IL1RAPL2: variants seen among roughly 807,000 people sequenced by gnomAD.
IL1RAPL2 encodes the protein interleukin 1 receptor accessory protein like 2, also known as X-linked interleukin-1 receptor accessory protein-like 2.
In IL1RAPL2, 3 loss-of-function variants were observed where a neutral mutation model predicts 44.1. The ratio of observed to expected loss-of-function variants is 0.07; its 90% CI spans 0.03 to 0.18. IL1RAPL2 has a LOEUF of 0.18. Among genes scored for constraint, IL1RAPL2 ranks in the 10% least tolerant of loss-of-function variants. The pLI, the probability that IL1RAPL2 is intolerant of heterozygous loss-of-function variation, is 1.00. For missense variants in IL1RAPL2, 391 were observed against 496.4 expected, an observed-to-expected ratio of 0.79 and a Z score of 2.02; for synonymous variants, 181 against 178.8, an observed-to-expected ratio of 1.01 and a Z score of -0.10.
At chrX:104,989,437 G>T (rs1047848250) in intron 2 of IL1RAPL2, among the ~76,000 whole-genome samples, 11 of 111,520 alleles carry the variant, frequency 9.9e-5, no homozygotes, top group African/African-American at 3.6e-4. Flanking sequence ...GAATCATATT[G>T]TTGGCAAGGA....
chrX:105,564,070 T>C (rs1232146794), intron 6 of IL1RAPL2, among the ~76,000 whole-genome samples: 1 of 111,526 alleles, frequency 9.0e-6, no homozygotes, highest in Non-Finnish European at 1.9e-5. Context: ...TGTTCTCTGC[T>C]TCATAGATGG....
intron 2 of IL1RAPL2, among the ~76,000 whole-genome samples, chrX:105,110,936 CA>C (rs1315395650): frequency 1.8e-5 from 2 of 110,569 alleles, no homozygotes; most frequent in Non-Finnish European, 3.8e-5. Flanking sequence ...GACTCCACCT[CA>C]AAAAAATAAG....
At chrX:105,536,134 G>T (rs113116073) in intron 6 of IL1RAPL2, among the ~76,000 whole-genome samples, 1 of 110,198 alleles carries the variant, frequency 9.1e-6, no homozygotes, top group Non-Finnish European at 1.9e-5. Flanking sequence ...ATAAAAACAT[G>T]TTCATTATAA....
intron 6 of IL1RAPL2, among the ~76,000 whole-genome samples, chrX:105,619,819 C>T (rs1188510669): frequency 9.0e-6 from 1 of 110,602 alleles, no homozygotes; most frequent in Middle Eastern, 4.6e-3. Flanking sequence ...AGGTTTTTGG[C>T]AAGGTATGTA....
At chrX:104,960,684 T>C (rs1460540610) in intron 2 of IL1RAPL2, among the ~76,000 whole-genome samples, 2 of 111,183 alleles carry the variant, frequency 1.8e-5, no homozygotes, top group Non-Finnish European at 3.8e-5. Context: ...TTTCCCCATT[T>C]TATTTCTTCT....
intron 4 of IL1RAPL2, among the ~76,000 whole-genome samples, chrX:105,257,187 A>G (rs1251502236): frequency 8.9e-6 from 1 of 111,917 alleles, no homozygotes; most frequent in Admixed American, 9.5e-5. Context: ...CCTTTATTTC[A>G]TAAATTACCC....
At position 105,566,730 on chromosome X, in the gene IL1RAPL2, TA is replaced by T. The variant is rs779185960; in HGVS notation, c.772+82345del. 5.4e-5 allele frequency among the ~76,000 whole-genome samples: 6 copies of T among 111,566 alleles called. No individual in the cohort carries two copies. The South Asian group carries it at 1.9e-3, about 35-fold the overall frequency. On this transcript the variant is annotated intron_variant, in intron 6 of 10. Coordinates refer to ENST00000372582, the MANE Select transcript of IL1RAPL2 (RefSeq NM_017416.2). ...TAAATAAGCACATGGGATAAAATTT[TA>T]ATAAAGAACATTTCAGTGGGGCATA... is the stretch of plus-strand genomic sequence containing the variant.
intron 2 of IL1RAPL2, among the ~76,000 whole-genome samples, chrX:105,033,807 C>A (rs1324831532): frequency 1.2e-4 from 13 of 112,057 alleles, no homozygotes; most frequent in African/African-American, 3.2e-4. Flanking sequence ...TGGATTATAT[C>A]CTGCAGAGTG....
chrX:105,430,679 C>T (rs1044858977), intron 5 of IL1RAPL2, among the ~76,000 whole-genome samples: 1 of 111,107 alleles, frequency 9.0e-6, no homozygotes, highest in Non-Finnish European at 1.9e-5. Context: ...ATTAAAATTT[C>T]TATATTCATC....
intron 6 of IL1RAPL2, among the ~76,000 whole-genome samples, chrX:105,586,354 T>A (rs913948592): frequency 8.9e-6 from 1 of 111,799 alleles, no homozygotes; most frequent in Non-Finnish European, 1.9e-5. Context: ...AAGCAATAAA[T>A]GCTGGGGAGG....
At chrX:105,016,874 G>A (rs1204855061) in intron 2 of IL1RAPL2, among the ~76,000 whole-genome samples, 2 of 111,470 alleles carry the variant, frequency 1.8e-5, no homozygotes, top group African/African-American at 6.5e-5. Flanking sequence ...GTTTGGAATA[G>A]TTTCAGAAGG....
chrX:105,366,791 T>C (rs1487818210), intron 5 of IL1RAPL2, among the ~76,000 whole-genome samples: 3 of 111,698 alleles, frequency 2.7e-5, no homozygotes, highest in Admixed American at 1.9e-4. Context: ...TCGTGTGTAC[T>C]TGAGAGGAAT....
chrX:104,769,722 G>C (rs918098226), intron 2 of IL1RAPL2, among the ~76,000 whole-genome samples: 14 of 111,980 alleles, frequency 1.3e-4, no homozygotes, highest in Non-Finnish European at 2.4e-4. Flanking sequence ...ATGTTGTCCA[G>C]TTGTGTATTC....
intron 2 of IL1RAPL2, among the ~76,000 whole-genome samples, chrX:105,039,923 T>G (rs1441101050): frequency 2.7e-5 from 3 of 110,797 alleles, no homozygotes; most frequent in South Asian, 3.8e-4. Flanking sequence ...CTATGTTGAA[T>G]AGGAGTGGTG....
chrX:105,205,587 T>TA (rs375473348), intron 3 of IL1RAPL2, among the ~76,000 whole-genome samples: 107 of 8,209 alleles, frequency 0.013, 37 homozygotes, highest in Non-Finnish European at 0.029. Context: ...AAGACTCTGT[T>TA]AAAAAAAAAA....
chrX:104,853,775 C>T (rs1360279323), intron 2 of IL1RAPL2, among the ~76,000 whole-genome samples: 2 of 107,575 alleles, frequency 1.9e-5, no homozygotes, highest in African/African-American at 3.4e-5. Flanking sequence ...TGGTAGCGGG[C>T]GCCTGTAGTC....
chrX:104,958,064 C>A (rs922510310), intron 2 of IL1RAPL2, among the ~76,000 whole-genome samples: 1 of 111,645 alleles, frequency 9.0e-6, no homozygotes, highest in Non-Finnish European at 1.9e-5. Context: ...TGCATCCCAG[C>A]CTGAGGTGAC....
At chrX:105,432,129 C>CTTTTTTTTTTTTTTTTTTT (rs386417369) in intron 5 of IL1RAPL2, among the ~76,000 whole-genome samples, 1 of 44,834 alleles carries the variant, frequency 2.2e-5, no homozygotes, top group Non-Finnish European at 3.7e-5. Flanking sequence ...TTCAATTTGC[C>CTTTTTTTTTTTTTTTTTTT]TTTTTTTTTT....
rs191674538 is a variant in IL1RAPL2 at position 104,613,467 on chromosome X, T to C, written c.-19-45428T>C. ...AATTCTGTTTATCTGGTGAATTATG[T>C]TTATTGATTTGCATATGTTGAACCA... On this transcript the variant is annotated intron_variant, in intron 1 of 10. Transcript: ENST00000372582. Among the ~76,000 whole-genome samples the C allele has an allele frequency of 2.2e-4, 25 of 112,136 alleles. No homozygotes were observed. In the Admixed American group the frequency reaches 2.3e-3, roughly 10 times the overall value.
Sources: gnomAD v4.1 joint callset for allele counts (sites outside exome capture counted in the v4.1 genomes callset) on GRCh38, gnomAD v4.1.1 for gene constraint, MANE v1.5 for transcripts, NCBI Gene and HGNC (gene_info 2026-07-23, HGNC 2026-07-21) for gene names.